PXK: variants seen among roughly 807,000 people sequenced by gnomAD.
PXK encodes the protein PX domain containing serine/threonine kinase like.
In PXK, 35 loss-of-function variants were observed where a neutral mutation model predicts 84.7. That is an observed-to-expected ratio of 0.41 (90% confidence interval 0.32 to 0.55). PXK has a LOEUF of 0.55. Ranked by LOEUF, PXK falls within the 20% of genes least tolerant of loss-of-function variation. PXK has a pLI of 0.21. For missense variants in PXK, 634 were observed against 699.7 expected (o/e 0.91, Z 1.06); for synonymous variants, 253 against 260.8 (o/e 0.97, Z 0.29).
At chr3:58,387,000 C>T (rs144225451) in intron 4 of PXK, among the ~76,000 whole-genome samples, 6 of 152,330 alleles carry the variant, frequency 3.9e-5, no homozygotes, top group African/African-American at 9.6e-5. Flanking sequence ...GGCCTTTCTG[C>T]AGTGCAATCT....
chr3:58,341,467 C>T (rs1234035961), intron 1 of PXK, among the ~76,000 whole-genome samples: 1 of 152,042 alleles, frequency 6.6e-6, no homozygotes, highest in Non-Finnish European at 1.5e-5. Context: ...GAGGCTGAGG[C>T]AGCAGAATTG....
chr3:58,365,933 C>CTTTT lies in PXK; in HGVS notation c.153+21_153+24dup, dbSNP rs111264652. 4.1e-4 allele frequency: 568 copies of CTTTT among 1,393,594 alleles called. 1 individual carries two copies. Among genetic ancestry groups the CTTTT allele is most frequent in the South Asian group, 1.2e-3 (83 of 69,816 alleles). The allele number at this position is 1,393,594 out of a possible 1,614,324, so 86.3% of individuals were successfully genotyped here. On this transcript the variant is annotated intron_variant, in intron 2 of 17. Coordinates refer to ENST00000356151, the MANE Select transcript of PXK (RefSeq NM_017771.5). Reference sequence around the variant, plus strand: ...TGGAAAACAGCTGGCAGGTAAGCATCTTTTTTTTTTTTTTTGTCAATTAGA... The same window carrying CTTTT: ...TGGAAAACAGCTGGCAGGTAAGCATCTTTTTTTTTTTTTTTTTTTGTCAATTAGA...
In PXK at chr3:58,403,976, T is replaced by G. The variant is rs552823853; in HGVS notation, c.1230+66T>G. 5 of 1,175,334 alleles carry G rather than the reference T, an allele frequency of 4.3e-6. No individual in the cohort carries two copies. The Admixed American group carries it at 1.3e-4, about 30-fold the overall frequency. 72.8% of individuals were successfully genotyped at this position (1,175,334 alleles called of 1,614,324 possible). On this transcript the variant is annotated intron_variant, in intron 13 of 17. Coordinates refer to ENST00000356151, the MANE Select transcript of PXK (RefSeq NM_017771.5). ...AAGTTGACTTTGAAAGTTAGCTGTA[T>G]TTTTAGCCAAAAAAAGAAAAGATAT...
At chr3:58,348,353 A>G (rs757330331) in intron 1 of PXK, among the ~76,000 whole-genome samples, 19 of 152,158 alleles carry the variant, frequency 1.2e-4, no homozygotes, top group Non-Finnish European at 2.5e-4. Flanking sequence ...CTCCTTCTGA[A>G]CCACAGAACC....
In PXK at chr3:58,398,391, C is replaced by T. The variant is rs554530231; in HGVS notation, c.1102+669C>T. ...CCACTGCACTCCAGCCTGGGCGACA[C>T]AGTAAGACTCTGCCTCAAACGAAAA... On this transcript the variant is annotated intron_variant, in intron 11 of 17. Transcript: ENST00000356151. This position sits in a 1 kb window ranked among gnomAD's most constrained non-coding sequence, Gnocchi z 4.5. Among the ~76,000 whole-genome samples, 88 of 152,214 alleles carry T rather than the reference C, an allele frequency of 5.8e-4. No individual in the cohort carries two copies. The highest frequency in any genetic ancestry group is 1.9e-3 in the African/African-American group (81 of 41,544).
At position 58,407,897 on chromosome 3, in the gene PXK, C is replaced by T. The variant is rs1409639908; in HGVS notation, c.1231-1027C>T. Among the ~76,000 whole-genome samples, 2 of 152,108 alleles carry T rather than the reference C, an allele frequency of 1.3e-5. No individual in the cohort carries two copies. The highest frequency in any genetic ancestry group is 2.9e-5 in the Non-Finnish European group (2 of 68,002). ...ATTTTGATGAAGTTTAATTTTTTTT[C>T]TTTTATTGCCTGTGCTTTTGGTGTC... On this transcript the variant is annotated intron_variant, in intron 13 of 17. Transcript: ENST00000356151. This position sits in a 1 kb window ranked among gnomAD's most constrained non-coding sequence, Gnocchi z 4.3.
chr3:58,413,149 C>T (rs1056040834), intron 17 of PXK, 186 bp downstream of exon 17: 8 of 664,558 alleles, frequency 1.2e-5, no homozygotes, highest in Non-Finnish European at 1.8e-5. Context: ...TTTCCAAGCT[C>T]GGCTTTCACA....
intron 1 of PXK, among the ~76,000 whole-genome samples, chr3:58,346,338 A>G (rs1328941962): frequency 2.0e-5 from 3 of 152,118 alleles, no homozygotes; most frequent in Non-Finnish European, 4.4e-5. Context: ...AAGAGAGTCA[A>G]GGATGCTAAT....
intron 17 of PXK, among the ~76,000 whole-genome samples, chr3:58,418,655 T>C (rs916373211): frequency 2.0e-5 from 3 of 152,204 alleles, no homozygotes; most frequent in African/African-American, 7.2e-5. Context: ...ATAGATGGCA[T>C]ACATGGCGAG....
rs1025442716 is a variant in PXK, at chr3:58,401,621, G to A, written c.1182-2241G>A. Among the ~76,000 whole-genome samples, 4 of 150,252 alleles carry A rather than the reference G, an allele frequency of 2.7e-5. No homozygotes were observed. Among genetic ancestry groups the A allele is most frequent in the Non-Finnish European group, 5.9e-5 (4 of 67,568 alleles). On this transcript the variant is annotated intron_variant, in intron 12 of 17. Transcript: ENST00000356151. The surrounding 1 kb of genome is among the most constrained non-coding windows in gnomAD (Gnocchi z 4.4). The stretch of plus-strand genomic sequence containing the variant: ...AGCCTAGATGACAGAGTAAGACCCT[G>A]TCTCAAAAATAAAACAAAGTGAGGG...
intron 1 of PXK, among the ~76,000 whole-genome samples, chr3:58,337,929 A>G (rs2097652767): frequency 6.6e-6 from 1 of 152,206 alleles, no homozygotes; most frequent in Non-Finnish European, 1.5e-5. Flanking sequence ...ATTAGGAGAC[A>G]TTGCTGCTTT....
chr3:58,391,758 C>T lies in PXK; in HGVS notation c.541-15C>T, dbSNP rs1560041211. ...GACCAAAACAGTACCCTGATATTCC[C>T]TTCCATGTTTTCAGGCTGACCTTGG... On this transcript the variant is annotated splice_polypyrimidine_tract_variant and intron_variant, in intron 6 of 17. Transcript: ENST00000356151. 2 of 1,607,740 alleles carry T rather than the reference C, an allele frequency of 1.2e-6. No homozygotes were observed. The highest frequency in any genetic ancestry group is 1.7e-6 in the Non-Finnish European group (2 of 1,174,314).
At chr3:58,413,123 G>T in intron 17 of PXK, 160 bp downstream of exon 17, 1 of 744,930 alleles carries the variant, frequency 1.3e-6, no homozygotes, top group African/African-American at 1.7e-5. Context: ...TCATTTGGGA[G>T]AGCTGAGGGG....
intron 3 of PXK, among the ~76,000 whole-genome samples, chr3:58,377,832 T>A (rs1232830974): frequency 1.3e-5 from 2 of 152,172 alleles, no homozygotes; most frequent in Non-Finnish European, 2.9e-5. Flanking sequence ...GAGAGCTAAC[T>A]GATTAAGCAA....
chr3:58,346,440 C>T (rs527414671), intron 1 of PXK, among the ~76,000 whole-genome samples: 1 of 151,968 alleles, frequency 6.6e-6, no homozygotes, highest in African/African-American at 2.4e-5. Context: ...GTAGAGGCCA[C>T]AAGGGAAACA....
chr3:58,339,451 A>C (rs2097689310), intron 1 of PXK, among the ~76,000 whole-genome samples: 1 of 151,710 alleles, frequency 6.6e-6, no homozygotes, highest in South Asian at 2.1e-4. Context: ...GCTGGTCTTG[A>C]ACTCCTGACC....
intron 17 of PXK, chr3:58,420,662 A>G: frequency 6.6e-7 from 1 of 1,525,006 alleles, no homozygotes; most frequent in Non-Finnish European, 8.8e-7. Context: ...TGAAGTGATG[A>G]ACAAGTGGGA....
At chr3:58,396,125 A>G (rs965405304) in intron 9 of PXK, among the ~76,000 whole-genome samples, 1 of 152,186 alleles carries the variant, frequency 6.6e-6, no homozygotes, top group Non-Finnish European at 1.5e-5. Flanking sequence ...CAACAGTGAG[A>G]AGGCTTTCCG....
chr3:58,388,943 T>A (rs1212613903), intron 4 of PXK, among the ~76,000 whole-genome samples: 1 of 152,074 alleles, frequency 6.6e-6, no homozygotes, highest in Non-Finnish European at 1.5e-5. Context: ...AATTCCACAG[T>A]GCATTTGGAG....
Sources: gnomAD v4.1 joint callset for allele counts (sites outside exome capture counted in the v4.1 genomes callset) on GRCh38, gnomAD v4.1.1 for gene constraint, Gnocchi (gnomAD v3.1) non-coding constraint, MANE v1.5 for transcripts, NCBI Gene and HGNC (gene_info 2026-07-23, HGNC 2026-07-21) for gene names.